Variants in MGAM2 observed in about 807,000 individuals in gnomAD.
The protein encoded by MGAM2 is probable maltase-glucoamylase 2.
MGAM2 carries 98 observed loss-of-function variants against 96.1 expected under a neutral mutation model. That is an observed-to-expected ratio of 1.02 (90% CI 0.87 to 1.21). The LOEUF (loss-of-function observed/expected upper bound fraction) is 1.21, where lower values mean the gene tolerates loss of function less well. MGAM2 is among the 50% of genes most tolerant of loss of function. The probability of loss-of-function intolerance (pLI) is 0.00; values close to 1 mark genes in which losing one functional copy is unlikely to be tolerated. For synonymous variants in MGAM2, 749 were observed against 414.8 expected (o/e 1.81, Z -9.79); for missense variants, 2,055 against 1,182.4 (o/e 1.74, Z -10.82).
chr7:142,161,629 A>G (rs1177147463), intron 22 of MGAM2, among the ~76,000 whole-genome samples: 1 of 152,232 alleles, frequency 6.6e-6, no homozygotes, highest in Non-Finnish European at 1.5e-5. Context: ...GTGATTATAT[A>G]AAAATCCTGT....
At chr7:142,184,548 G>C (rs980978951) in intron 33 of MGAM2, among the ~76,000 whole-genome samples, 8 of 152,296 alleles carry the variant, frequency 5.3e-5, no homozygotes, top group African/African-American at 1.7e-4. Context: ...GTAAGTGTCT[G>C]TTGATTGAAT....
chr7:142,187,151 A>C (rs945981262), intron 35 of MGAM2, among the ~76,000 whole-genome samples: 1 of 152,228 alleles, frequency 6.6e-6, no homozygotes, highest in African/African-American at 2.4e-5. Context: ...CATTTAAGTA[A>C]CAAATTCCCC....
At chr7:142,176,308 C>T (rs1383257422) in intron 32 of MGAM2, among the ~76,000 whole-genome samples, 1 of 152,162 alleles carries the variant, frequency 6.6e-6, no homozygotes, top group Non-Finnish European at 1.5e-5. Flanking sequence ...TACTAGGAAG[C>T]CACATCTTGA....
chr7:142,121,908 G>A (rs1247165481), intron 3 of MGAM2, among the ~76,000 whole-genome samples: 1 of 152,018 alleles, frequency 6.6e-6, no homozygotes, highest in Non-Finnish European at 1.5e-5. Context: ...TAATTAAAGT[G>A]ATGATGGTTG....
At chr7:142,199,395 C>T (rs572960086) in intron 44 of MGAM2, among the ~76,000 whole-genome samples, 6 of 151,836 alleles carry the variant, frequency 4.0e-5, no homozygotes, top group African/African-American at 4.8e-5. Context: ...AGATCCTGGT[C>T]GATTAAAGAA....
intron 6 of MGAM2, among the ~76,000 whole-genome samples, chr7:142,132,571 T>C (rs1253337428): frequency 7.7e-6 from 1 of 130,672 alleles, no homozygotes; most frequent in East Asian, 2.2e-4. Context: ...CCATATACTT[T>C]ATATAATTTA....
At chr7:142,198,913 T>C (rs993986950) in intron 44 of MGAM2, among the ~76,000 whole-genome samples, 174 bp downstream of exon 44, 2 of 152,228 alleles carry the variant, frequency 1.3e-5, no homozygotes, top group African/African-American at 4.8e-5. Flanking sequence ...GAAGATGAGT[T>C]CATAAAGTTA....
chr7:142,170,369 T>A, intron 27 of MGAM2, 140 bp downstream of exon 27: 1 of 490,016 alleles, frequency 2.0e-6, no homozygotes. Flanking sequence ...ATTTTTCCCA[T>A]GCTTTAATGG....
At chr7:142,151,825 G>A (rs1370475926) in intron 15 of MGAM2, among the ~76,000 whole-genome samples, 9 of 152,334 alleles carry the variant, frequency 5.9e-5, no homozygotes, top group Admixed American at 4.6e-4. Context: ...AATGGCCTAC[G>A]CTCCCAGAGG....
intron 37 of MGAM2, among the ~76,000 whole-genome samples, chr7:142,190,616 A>C (rs891792256): frequency 6.6e-6 from 1 of 152,086 alleles, no homozygotes; most frequent in African/African-American, 2.4e-5. Flanking sequence ...AAAATGTATA[A>C]GAGTTGCAGT....
intron 6 of MGAM2, among the ~76,000 whole-genome samples, chr7:142,133,735 A>C (rs1277613442): frequency 2.0e-5 from 3 of 152,152 alleles, no homozygotes; most frequent in Non-Finnish European, 2.9e-5. Context: ...CACATTAAAC[A>C]TGAAGTCAAC....
intron 32 of MGAM2, among the ~76,000 whole-genome samples, chr7:142,178,998 T>C (rs1244485700): frequency 6.6e-6 from 1 of 152,020 alleles, no homozygotes; most frequent in Non-Finnish European, 1.5e-5. Context: ...TTAGATGTTT[T>C]CCTAGGTATT....
chr7:142,212,721 C>T (rs2961060), intron 46 of MGAM2, among the ~76,000 whole-genome samples: 97,310 of 151,948 alleles, frequency 0.64, 31,298 homozygotes, highest in Admixed American at 0.69. Flanking sequence ...ACTTAGACTC[C>T]CACACAATAA....
chr7:142,163,578 C>T (rs1257756994), intron 23 of MGAM2, among the ~76,000 whole-genome samples: 1 of 152,200 alleles, frequency 6.6e-6, no homozygotes, highest in African/African-American at 2.4e-5. Flanking sequence ...CCGTGCCTGG[C>T]CATAAGTTTT....
intron 37 of MGAM2, among the ~76,000 whole-genome samples, chr7:142,192,345 C>T (rs937756551): frequency 6.6e-6 from 1 of 152,134 alleles, no homozygotes; most frequent in Non-Finnish European, 1.5e-5. Flanking sequence ...CAGGAAAACA[C>T]CCATGTCATT....
chr7:142,142,702 A>T (rs1374052596), intron 12 of MGAM2, among the ~76,000 whole-genome samples: 1 of 151,722 alleles, frequency 6.6e-6, no homozygotes, highest in African/African-American at 2.4e-5. Context: ...GGTGCCTGCC[A>T]CCATGCCTGG....
chr7:142,191,324 T>A (rs1796861317), intron 37 of MGAM2, among the ~76,000 whole-genome samples: 1 of 152,188 alleles, frequency 6.6e-6, no homozygotes, highest in Non-Finnish European at 1.5e-5. Flanking sequence ...TATTCATTTG[T>A]CACTTGTGCT....
chr7:142,200,919 C>A (rs1351819523), intron 45 of MGAM2, among the ~76,000 whole-genome samples: 1 of 151,814 alleles, frequency 6.6e-6, no homozygotes, highest in East Asian at 1.9e-4. Context: ...ATTTGTGAAT[C>A]CTGTTTATTT....
At chr7:142,154,621 A>C in intron 16 of MGAM2, 108 bp from the exon 17 acceptor site, 1 of 644,624 alleles carries the variant, frequency 1.6e-6, no homozygotes, top group Non-Finnish European at 2.8e-6. Context: ...CTCCTTAAGC[A>C]TGGGATGATG....
Sources: gnomAD v4.1 joint callset for allele counts (sites outside exome capture counted in the v4.1 genomes callset) on GRCh38, gnomAD v4.1.1 for gene constraint, MANE v1.5 for transcripts, NCBI Gene and HGNC (gene_info 2026-07-23, HGNC 2026-07-21) for gene names.